Variants in COP1 observed in about 807,000 individuals in gnomAD.
COP1 encodes E3 ubiquitin-protein ligase COP1.
A neutral mutation model predicts 101.3 loss-of-function variants in COP1; 24 were observed. That is an observed-to-expected ratio of 0.24 (90% CI 0.17 to 0.33). The LOEUF is 0.33. Ranked by LOEUF, COP1 falls within the 10% of genes least tolerant of loss-of-function variation. The pLI, the probability that COP1 is intolerant of heterozygous loss-of-function variation, is 1.00. For synonymous variants in COP1, 347 were observed against 341.9 expected (o/e 1.01, Z -0.17); for missense variants, 663 against 906.2 (o/e 0.73, Z 3.45).
chr1:176,041,744 T>A (rs984499184), intron 14 of COP1, among the ~76,000 whole-genome samples: 3 of 152,132 alleles, frequency 2.0e-5, no homozygotes, highest in African/African-American at 7.2e-5. Flanking sequence ...GGTGGGTAGA[T>A]CACTGGAGGT....
At chr1:176,014,139 A>C (rs1487255627) in intron 15 of COP1, among the ~76,000 whole-genome samples, 1 of 152,196 alleles carries the variant, frequency 6.6e-6, no homozygotes, top group African/African-American at 2.4e-5. Flanking sequence ...ATTTGATTTG[A>C]GGTGAAAATA....
intron 11 of COP1, among the ~76,000 whole-genome samples, chr1:176,055,882 T>C (rs752481335): frequency 3.3e-5 from 5 of 152,198 alleles, no homozygotes; most frequent in Non-Finnish European, 5.9e-5. Flanking sequence ...CTAATTTCTT[T>C]GCTTGGTTGT....
At chr1:175,959,545 T>TA in intron 18 of COP1, among the ~76,000 whole-genome samples, 1 of 152,114 alleles carries the variant, frequency 6.6e-6, no homozygotes, top group Non-Finnish European at 1.5e-5. Context: ...ATTGTGTGCA[T>TA]AAAAAAATCC....
rs2102344049 is a variant in COP1, at chr1:176,206,844, T to G, written c.135A>C (p.Ala45=). The change falls in exon 1 of 20, where the codon GCA becomes GCC. Residue 45 remains alanine (A), a synonymous_variant. Coordinates refer to ENST00000367669, the MANE Select transcript of COP1 (RefSeq NM_022457.7). The stretch of plus-strand genomic sequence containing the variant: ...GGGCCACCCCGCCGGACACCAGCGC[T>G]GCCGCCGAAACCGCCACGGAAGGCG... ...PSPPSVAVSA[A]ALVSGGVAQA... is the part of the protein sequence containing the mutation. 7.0e-7 allele frequency: 1 copy of G among 1,428,132 alleles called. No individual in the cohort carries two copies. The highest frequency in any genetic ancestry group is 2.9e-5 in the Admixed American group (1 of 34,260). 88.5% of individuals were successfully genotyped at this position (1,428,132 alleles called of 1,614,324 possible).
At chr1:176,025,058 A>G (rs969798640) in intron 15 of COP1, among the ~76,000 whole-genome samples, 4 of 152,218 alleles carry the variant, frequency 2.6e-5, no homozygotes, top group Non-Finnish European at 5.9e-5. Context: ...TTCAAGAAAA[A>G]TACAATTCAG....
chr1:175,966,262 T>G (rs1220321629), intron 18 of COP1, among the ~76,000 whole-genome samples: 1 of 148,164 alleles, frequency 6.7e-6, no homozygotes, highest in Non-Finnish European at 1.5e-5. Flanking sequence ...GAATTAGCTG[T>G]CTGAATTGTG....
chr1:175,997,476 A>C (rs892476751), intron 15 of COP1, among the ~76,000 whole-genome samples: 1 of 152,136 alleles, frequency 6.6e-6, no homozygotes, highest in African/African-American at 2.4e-5. Flanking sequence ...ACAAAATGGG[A>C]GAAAATTTTC....
At chr1:176,072,902 A>C (rs955804635) in intron 11 of COP1, among the ~76,000 whole-genome samples, 5 of 152,208 alleles carry the variant, frequency 3.3e-5, no homozygotes, top group Non-Finnish European at 7.3e-5. Context: ...GAATAGGGAT[A>C]CACAGTGTCA....
intron 18 of COP1, among the ~76,000 whole-genome samples, chr1:175,984,050 G>A (rs1346205663): frequency 1.3e-5 from 2 of 152,202 alleles, no homozygotes; most frequent in Non-Finnish European, 2.9e-5. Context: ...CCCATTTTCT[G>A]GGAAGAAATT....
chr1:175,984,544 A>C (rs913436257), intron 18 of COP1, among the ~76,000 whole-genome samples: 1 of 152,138 alleles, frequency 6.6e-6, no homozygotes, highest in African/African-American at 2.4e-5. Flanking sequence ...GAGCCCTCAC[A>C]CAGAGTCCCT....
intron 10 of COP1, among the ~76,000 whole-genome samples, chr1:176,082,734 G>A (rs1036822918): frequency 1.3e-5 from 2 of 151,956 alleles, no homozygotes; most frequent in Non-Finnish European, 2.9e-5. Flanking sequence ...GAACCCGGGA[G>A]GTGGAGGTTG....
intron 11 of COP1, among the ~76,000 whole-genome samples, chr1:176,051,327 G>A (rs1672518080): frequency 6.6e-6 from 1 of 152,078 alleles, no homozygotes; most frequent in South Asian, 2.1e-4. Flanking sequence ...GCTATTTAAG[G>A]ACATCTTATG....
At chr1:175,999,280 A>G (rs989623489) in intron 15 of COP1, among the ~76,000 whole-genome samples, 1 of 152,018 alleles carries the variant, frequency 6.6e-6, no homozygotes, top group African/African-American at 2.4e-5. Flanking sequence ...GACTCTGGTA[A>G]CCATCCTTCT....
chr1:176,143,919 T>A (rs924517228), intron 6 of COP1, among the ~76,000 whole-genome samples: 5 of 152,014 alleles, frequency 3.3e-5, no homozygotes, highest in African/African-American at 4.8e-5. Flanking sequence ...AGAAATTTTT[T>A]AAAAATTCTC....
intron 11 of COP1, among the ~76,000 whole-genome samples, chr1:176,071,284 T>C (rs557940406): frequency 3.9e-5 from 6 of 152,110 alleles, no homozygotes; most frequent in African/African-American, 1.2e-4. Flanking sequence ...CACTTCACCT[T>C]CCACCATGAT....
intron 18 of COP1, among the ~76,000 whole-genome samples, chr1:175,961,080 T>A (rs4652140): frequency 0.053 from 8,094 of 152,276 alleles, 466 homozygotes; most frequent in South Asian, 0.14. Flanking sequence ...ATTCTCCAGC[T>A]TTTGGACTCT....
At chr1:176,134,341 A>G (rs566283225) in intron 8 of COP1, among the ~76,000 whole-genome samples, 1 of 152,166 alleles carries the variant, frequency 6.6e-6, no homozygotes, top group Non-Finnish European at 1.5e-5. Context: ...TAAAAATTCA[A>G]AACTCAAGAT....
intron 18 of COP1, among the ~76,000 whole-genome samples, chr1:175,976,267 A>ATTTTTTT (rs1225101059): frequency 2.9e-4 from 12 of 41,732 alleles, no homozygotes; most frequent in East Asian, 1.1e-3. Context: ...TCAATTAGTC[A>ATTTTTTT]TTCTTTTTTT....
At chr1:176,041,218 G>A (rs1478458305) in intron 14 of COP1, among the ~76,000 whole-genome samples, 1 of 152,104 alleles carries the variant, frequency 6.6e-6, no homozygotes, top group African/African-American at 2.4e-5. Flanking sequence ...TTGGTTATAA[G>A]ATAGCAGCAA....
Sources: allele counts gnomAD v4.1 joint callset (sites outside exome capture counted in the v4.1 genomes callset), GRCh38; gene constraint gnomAD v4.1.1; transcripts MANE v1.5; gene names NCBI Gene and HGNC (gene_info 2026-07-23, HGNC 2026-07-21).